The following MTUS2 variants were observed in gnomAD, a reference collection of about 807,000 sequenced individuals.
The protein encoded by MTUS2 is microtubule associated scaffold protein 2.
Under a neutral mutation model 114.1 loss-of-function variants are expected in MTUS2, and 40 were observed. The observed-to-expected ratio is 0.35, with a 90% CI of 0.27 to 0.46. The LOEUF (loss-of-function observed/expected upper bound fraction) is 0.46, where lower values mean the gene tolerates loss of function less well. MTUS2 is among the 20% of genes least tolerant of loss of function. The probability of loss-of-function intolerance (pLI) is 1.00; values close to 1 mark genes in which losing one functional copy is unlikely to be tolerated. For synonymous variants in MTUS2, 688 were observed against 672.0 expected (o/e 1.02, Z -0.37); for missense variants, 1,679 against 1,705.4 (o/e 0.98, Z 0.27).
intron 5 of MTUS2, among the ~76,000 whole-genome samples, chr13:29,212,697 G>C (rs551989789): frequency 6.6e-6 from 1 of 152,276 alleles, no homozygotes; most frequent in Non-Finnish European, 1.5e-5. Context: ...CAGATGAACA[G>C]CTGGATGAGG....
At chr13:29,485,846 T>A (rs1321026617) in intron 10 of MTUS2, among the ~76,000 whole-genome samples, 2 of 141,818 alleles carry the variant, frequency 1.4e-5, no homozygotes, top group Non-Finnish European at 3.0e-5. Context: ...AAGCACCGAA[T>A]AAATTAGAAT....
At position 29,279,945 on chromosome 13, in the gene MTUS2, G is replaced by A. The variant is rs190236965; in HGVS notation, c.2645-1759G>A. 3.8e-4 allele frequency among the ~76,000 whole-genome samples: 58 copies of A among 152,324 alleles called. 2 individuals carry two copies. In the East Asian group the frequency reaches 7.9e-3, roughly 21 times the overall value. ...AATAAAAGACTGTGAGAGATTTTGCGCTCAATTCAGCTTCTGCTACACATT... is the reference window on the plus strand; with the variant it reads ...AATAAAAGACTGTGAGAGATTTTGCACTCAATTCAGCTTCTGCTACACATT... On this transcript the variant is annotated intron_variant, in intron 5 of 15. Transcript: ENST00000612955.
intron 15 of MTUS2, 128 bp from the exon 16 acceptor site, chr13:29,502,865 G>T (rs1882996419): frequency 1.2e-6 from 1 of 868,652 alleles, no homozygotes; most frequent in Admixed American, 2.3e-5. Context: ...TTGGTCACTG[G>T]GTCACCCTGG....
Position 29,281,737 on chromosome 13 carries a change from T to G in MTUS2, c.2678T>G (p.Leu893Arg). ...STFGNEEQPV[L>R]KASLPSKDTP... ...TTTGGGAATGAAGAACAGCCAGTTC[T>G]GAAGGCATCTCTGCCTTCTAAGGAC... Residue 893 changes from leucine to arginine, a missense_variant, in exon 6 of 16, where the codon CTG (leucine) becomes CGG (arginine). Physicochemically the swap from Leu to Arg is moderately radical, Grantham distance 102. This residue lies in a region of MTUS2 where 822 missense variants were observed against 899.7 expected (regional missense o/e 0.91). Coordinates refer to ENST00000612955, the MANE Select transcript of MTUS2 (RefSeq NM_001033602.4). 1 of 1,611,084 alleles carries G rather than the reference T, an allele frequency of 6.2e-7. No individual in the cohort carries two copies. The highest frequency in any genetic ancestry group is 8.5e-7 in the Non-Finnish European group (1 of 1,177,514).
intron 1 of MTUS2, among the ~76,000 whole-genome samples, chr13:28,829,298 G>A (rs2137943069): frequency 6.6e-6 from 1 of 152,228 alleles, no homozygotes; most frequent in Middle Eastern, 3.4e-3. Flanking sequence ...GGCTGAGACA[G>A]GTGGGTCACC....
chr13:29,067,246 G>C (rs1389138942), intron 4 of MTUS2, among the ~76,000 whole-genome samples: 1 of 152,128 alleles, frequency 6.6e-6, no homozygotes, highest in East Asian at 1.9e-4. Context: ...TTCAGAGAGA[G>C]GGGGGAGGAT....
rs193216134 is a variant in MTUS2 at position 28,903,251 on chromosome 13, T to C, written c.-243+63401T>C. 2.4e-3 allele frequency among the ~76,000 whole-genome samples: 369 copies of C among 152,108 alleles called. 1 individual carries two copies. The highest frequency in any genetic ancestry group is 8.4e-3 in the African/African-American group (350 of 41,510). ...ATTTGCAGTTGACAGTTCTTTTCTT[T>C]CTTATTTTATTTTATTTTACTATTA... On this transcript the variant is annotated intron_variant, in intron 2 of 15. Transcript: ENST00000612955.
At chr13:29,210,222 C>A (rs564451678) in intron 5 of MTUS2, among the ~76,000 whole-genome samples, 2 of 151,968 alleles carry the variant, frequency 1.3e-5, no homozygotes, top group African/African-American at 4.8e-5. Flanking sequence ...CTGTTGTTGA[C>A]ACTTTCCAGT....
chr13:29,216,016 C>T (rs943396318), intron 5 of MTUS2, among the ~76,000 whole-genome samples: 12 of 152,170 alleles, frequency 7.9e-5, no homozygotes, highest in East Asian at 1.9e-4. Flanking sequence ...CCAGGGAGAT[C>T]GGAGTTTTAT....
intron 2 of MTUS2, among the ~76,000 whole-genome samples, chr13:29,015,831 C>T (rs189290778): frequency 6.6e-5 from 10 of 152,058 alleles, no homozygotes; most frequent in Admixed American, 5.2e-4. Context: ...AGAACTCATT[C>T]CATGTGTATA....
chr13:28,821,961 T>A (rs1287982623), intron 1 of MTUS2, among the ~76,000 whole-genome samples: 8 of 152,192 alleles, frequency 5.3e-5, no homozygotes, highest in Admixed American at 3.3e-4. Flanking sequence ...GTAGAATACT[T>A]ACGGGAATCT....
chr13:28,842,287 C>T (rs1300366730), intron 2 of MTUS2, among the ~76,000 whole-genome samples: 1 of 152,026 alleles, frequency 6.6e-6, no homozygotes, highest in Non-Finnish European at 1.5e-5. Flanking sequence ...CAGTTAATTC[C>T]TCCCACCCCT....
At chr13:29,293,790 G>T (rs1197497190) in intron 6 of MTUS2, among the ~76,000 whole-genome samples, 1 of 152,070 alleles carries the variant, frequency 6.6e-6, no homozygotes, top group Non-Finnish European at 1.5e-5. Flanking sequence ...TACATGGAAA[G>T]ATGTCCATAA....
At chr13:28,865,116 T>G (rs796248084) in intron 2 of MTUS2, among the ~76,000 whole-genome samples, 8 of 152,300 alleles carry the variant, frequency 5.3e-5, no homozygotes, top group African/African-American at 1.9e-4. Flanking sequence ...TATGGGGGTG[T>G]GTATACACAC....
In MTUS2 at chr13:28,905,525, T is replaced by G. The variant is rs1464373028; in HGVS notation, c.-243+65675T>G. Among the ~76,000 whole-genome samples the G allele has an allele frequency of 1.3e-5, 2 of 151,674 alleles. 1 individual carries two copies. The highest frequency in any genetic ancestry group is 2.9e-5 in the Non-Finnish European group (2 of 67,978). On this transcript the variant is annotated intron_variant, in intron 2 of 15. Coordinates refer to ENST00000612955, the MANE Select transcript of MTUS2 (RefSeq NM_001033602.4). ...TATTGAGATAATCATGTGGTTTTTG[T>G]CTTTGGTTCTGTTTATATGCTGGAT...
chr13:29,194,858 A>G (rs1379727510), intron 5 of MTUS2, among the ~76,000 whole-genome samples: 2 of 151,566 alleles, frequency 1.3e-5, no homozygotes, highest in Non-Finnish European at 2.9e-5. Flanking sequence ...ATGTCCAACA[A>G]TGATAGACTG....
rs755929309 is a variant in MTUS2, at chr13:29,026,523, C to T, written c.1825C>T (p.Pro609Ser). 6 of 1,613,874 alleles carry T rather than the reference C, an allele frequency of 3.7e-6. No individual in the cohort carries two copies. Among genetic ancestry groups the T allele is most frequent in the South Asian group, 1.1e-5 (1 of 91,080 alleles). The change falls in exon 3 of 16, where the codon CCT becomes TCT. Residue 609 changes from proline to serine, a missense_variant. Physicochemically the swap from Pro to Ser is moderately conservative, Grantham distance 74. Around this residue, in one of 3 missense-constraint regions of MTUS2, gnomAD observed 843 missense variants for 770.8 expected, o/e 1.09. Coordinates refer to ENST00000612955, the MANE Select transcript of MTUS2 (RefSeq NM_001033602.4). Reference sequence around the variant, plus strand: ...TGTCTTCACACATTCCAAGGACACACCTTCCTCGCAGGAGGGAATGGAGAA... The same window carrying T: ...TGTCTTCACACATTCCAAGGACACATCTTCCTCGCAGGAGGGAATGGAGAA... ...KPVFTHSKDT[P>S]SSQEGMENYQ...
intron 7 of MTUS2, 124 bp downstream of exon 7, chr13:29,324,835 A>G: frequency 1.4e-6 from 1 of 707,044 alleles, no homozygotes; most frequent in Non-Finnish European, 2.4e-6. Context: ...AGAGCTTGAC[A>G]TACATATGCT....
chr13:29,003,212 C>T (rs1325416047), intron 2 of MTUS2, among the ~76,000 whole-genome samples: 3 of 151,960 alleles, frequency 2.0e-5, no homozygotes, highest in South Asian at 2.1e-4. Flanking sequence ...CACTTCTAAG[C>T]CTTTTGCATA....
Sources: allele counts gnomAD v4.1 joint callset (sites outside exome capture counted in the v4.1 genomes callset), GRCh38; gene constraint gnomAD v4.1.1; regional missense constraint gnomAD v4.1.1; transcripts MANE v1.5; gene names NCBI Gene and HGNC (gene_info 2026-07-23, HGNC 2026-07-21).